Variants in KLHDC10 observed in about 807,000 individuals in gnomAD.
KLHDC10 encodes the protein kelch domain-containing protein 10.
Under a neutral mutation model 56.1 loss-of-function variants are expected in KLHDC10, and 24 were observed. That is an observed-to-expected ratio of 0.43 (90% CI 0.31 to 0.60). KLHDC10 has a LOEUF of 0.60. KLHDC10 is among the 20% of genes least tolerant of loss of function. The pLI, the probability that KLHDC10 is intolerant of heterozygous loss-of-function variation, is 0.11. For missense variants in KLHDC10, 349 were observed against 567.0 expected (o/e 0.62, Z 3.91); for synonymous variants, 188 against 207.1 (o/e 0.91, Z 0.79).
intron 1 of KLHDC10, among the ~76,000 whole-genome samples, chr7:130,074,067 C>T (rs1053694784): frequency 6.6e-6 from 1 of 152,182 alleles, no homozygotes; most frequent in Non-Finnish European, 1.5e-5. Flanking sequence ...TTAACATGGC[C>T]TCAAAGGCAC....
chr7:130,072,081 A>G (rs1243725427), intron 1 of KLHDC10, among the ~76,000 whole-genome samples: 2 of 152,170 alleles, frequency 1.3e-5, no homozygotes, highest in Non-Finnish European at 2.9e-5. Flanking sequence ...TAGAATTGCT[A>G]AATATACGAT....
At chr7:130,099,147 C>T (rs1027535809) in intron 2 of KLHDC10, among the ~76,000 whole-genome samples, 5 of 152,136 alleles carry the variant, frequency 3.3e-5, no homozygotes, top group Non-Finnish European at 7.3e-5. Flanking sequence ...TTTCTTCCTA[C>T]CTCTTTGATT....
chr7:130,104,810 A>G (rs371832003), intron 2 of KLHDC10, among the ~76,000 whole-genome samples: 10 of 152,302 alleles, frequency 6.6e-5, no homozygotes, highest in African/African-American at 2.4e-4. Flanking sequence ...TCATCACTAT[A>G]CAGTACCAAG....
chr7:130,094,707 A>G (rs1250002117), intron 1 of KLHDC10, among the ~76,000 whole-genome samples: 1 of 152,064 alleles, frequency 6.6e-6, no homozygotes, highest in Admixed American at 6.5e-5. Flanking sequence ...ATGTTAATAA[A>G]TAGTTTTGTA....
At chr7:130,104,025 T>C (rs1283552024) in intron 2 of KLHDC10, among the ~76,000 whole-genome samples, 4 of 151,870 alleles carry the variant, frequency 2.6e-5, no homozygotes, top group Admixed American at 1.3e-4. Flanking sequence ...GAGGCGGAGG[T>C]TGCAGTGAGC....
chr7:130,103,420 A>AG (rs1795962789), intron 2 of KLHDC10, among the ~76,000 whole-genome samples: 1 of 143,866 alleles, frequency 7.0e-6, no homozygotes, highest in African/African-American at 2.7e-5. Context: ...GCAAGACTCA[A>AG]AAAAAAAAAA....
At chr7:130,084,920 C>T (rs1795662040) in intron 1 of KLHDC10, among the ~76,000 whole-genome samples, 1 of 152,000 alleles carries the variant, frequency 6.6e-6, no homozygotes, top group Non-Finnish European at 1.5e-5. Flanking sequence ...CTTGAGATGC[C>T]TATTTGACCT....
intron 1 of KLHDC10, among the ~76,000 whole-genome samples, chr7:130,074,692 T>C (rs1388144146): frequency 1.3e-5 from 2 of 151,214 alleles, no homozygotes; most frequent in Non-Finnish European, 2.9e-5. Flanking sequence ...GCAATGTCAC[T>C]GCAACCTCTG....
In KLHDC10 at chr7:130,130,611, C is replaced by T; in HGVS notation, c.1194C>T (p.Ile398=). ...AACGGACTGGGTCATTGTTTAAGAT[C>T]TGGCTGGTGGTACCTAGCCTGCTGG... ...ENKRTGSLFK[I]WLVVPSLLEL... The change falls in exon 10 of 10, where the codon ATC becomes ATT. Residue 398 remains isoleucine (I), a synonymous_variant. Coordinates refer to ENST00000335420, the MANE Select transcript of KLHDC10 (RefSeq NM_014997.4). The surrounding 1 kb of genome is among the most constrained non-coding windows in gnomAD (Gnocchi z 4.2). The T allele has an allele frequency of 6.2e-7, 1 of 1,614,114 alleles. No homozygotes were observed. The highest frequency in any genetic ancestry group is 8.5e-7 in the Non-Finnish European group (1 of 1,180,022).
At chr7:130,105,759 A>G (rs921418566) in intron 2 of KLHDC10, among the ~76,000 whole-genome samples, 2 of 152,112 alleles carry the variant, frequency 1.3e-5, no homozygotes, top group Non-Finnish European at 2.9e-5. Flanking sequence ...GACCTGGGTG[A>G]TGGTTATATG....
At chr7:130,077,696 C>T (rs1381035317) in intron 1 of KLHDC10, among the ~76,000 whole-genome samples, 2 of 151,470 alleles carry the variant, frequency 1.3e-5, no homozygotes, top group African/African-American at 4.8e-5. Flanking sequence ...GCTGGGACTA[C>T]AGGCACCTGC....
Position 130,133,673 on chromosome 7 carries a change from T to C in KLHDC10, c.*2927T>C, listed in dbSNP as rs1796430279. ...TTGTACTCTCTCATGTTTGCATGTCTTACATTTTGTTGCCGGAGAACAAGG... is the reference window on the plus strand; with the variant it reads ...TTGTACTCTCTCATGTTTGCATGTCCTACATTTTGTTGCCGGAGAACAAGG... On this transcript the variant is annotated 3_prime_UTR_variant, in exon 10 of 10. Transcript: ENST00000335420. 1 of 152,192 alleles carries C rather than the reference T, an allele frequency of 6.6e-6. No homozygotes were observed. Among genetic ancestry groups the C allele is most frequent in the Admixed American group, 6.5e-5 (1 of 15,278 alleles). 9.4% of individuals were successfully genotyped at this position (152,192 alleles called of 1,614,324 possible).
chr7:130,091,142 A>G (rs1795767049), intron 1 of KLHDC10, among the ~76,000 whole-genome samples: 1 of 152,054 alleles, frequency 6.6e-6, no homozygotes, highest in South Asian at 2.1e-4. Context: ...GCTGTTAGGA[A>G]CGTTTGTGTA....
intron 1 of KLHDC10, among the ~76,000 whole-genome samples, chr7:130,095,996 T>C (rs1343651498): frequency 6.6e-6 from 1 of 152,196 alleles, no homozygotes; most frequent in African/African-American, 2.4e-5. Context: ...TATGAGACCA[T>C]GGGCTCTGAA....
At chr7:130,084,937 A>G (rs955823204) in intron 1 of KLHDC10, among the ~76,000 whole-genome samples, 1 of 152,110 alleles carries the variant, frequency 6.6e-6, no homozygotes, top group Non-Finnish European at 1.5e-5. Flanking sequence ...ACCTCCAAGT[A>G]AGGATATAGA....
rs760994266 is a variant in KLHDC10, at chr7:130,130,665, C to T, written c.1248C>T (p.Ala416=). The T allele has an allele frequency of 4.3e-6, 7 of 1,614,158 alleles. No homozygotes were observed. In the South Asian group the frequency reaches 7.7e-5, roughly 18 times the overall value. Residue 416 remains alanine (A), a synonymous_variant, in exon 10 of 10, where the codon GCC becomes GCT. Transcript: ENST00000335420. The surrounding 1 kb of genome is among the most constrained non-coding windows in gnomAD (Gnocchi z 4.2). ...LELAWEKLLA[A]FPNLANLSRT... is the part of the protein sequence containing the mutation. ...TGGCATGGGAGAAGCTGCTTGCGGC[C>T]TTCCCTAACCTTGCAAACCTCTCCC...
chr7:130,091,706 A>G (rs2116863062), intron 1 of KLHDC10, among the ~76,000 whole-genome samples: 1 of 152,068 alleles, frequency 6.6e-6, no homozygotes, highest in East Asian at 1.9e-4. Flanking sequence ...AGCATCTGAG[A>G]TTATAGTTCT....
rs553871247 is a variant in KLHDC10, at chr7:130,120,599, C to T, written c.476-150C>T. 434 of 725,360 alleles carry T rather than the reference C, an allele frequency of 6.0e-4. 3 individuals carry two copies. Among genetic ancestry groups the T allele is most frequent in the South Asian group, 3.6e-3 (169 of 46,910 alleles). 44.9% of individuals were successfully genotyped at this position (725,360 alleles called of 1,614,324 possible). On this transcript the variant is annotated intron_variant, in intron 3 of 9. Coordinates refer to ENST00000335420, the MANE Select transcript of KLHDC10 (RefSeq NM_014997.4). This position sits in a 1 kb window ranked among gnomAD's most constrained non-coding sequence, Gnocchi z 5.1. The stretch of plus-strand genomic sequence containing the variant: ...AGACTTCAGATTTTCAGATTTGGCA[C>T]GCTCAGCTACTAGTTAGATGTCAGT...
intron 1 of KLHDC10, among the ~76,000 whole-genome samples, chr7:130,076,037 C>T (rs947648143): frequency 3.3e-5 from 5 of 151,914 alleles, no homozygotes; most frequent in Non-Finnish European, 7.4e-5. Flanking sequence ...TTCCATGGAC[C>T]GGGATGGTGG....
Sources: gnomAD v4.1 joint callset for allele counts (sites outside exome capture counted in the v4.1 genomes callset) on GRCh38, gnomAD v4.1.1 for gene constraint, Gnocchi (gnomAD v3.1) non-coding constraint, MANE v1.5 for transcripts, NCBI Gene and HGNC (gene_info 2026-07-23, HGNC 2026-07-21) for gene names.